ABCB5: variants seen among roughly 807,000 people sequenced by gnomAD.
The protein encoded by ABCB5 is ATP-binding cassette sub-family B member 5.
ABCB5 carries 155 observed loss-of-function variants against 144.2 expected under a neutral mutation model. That is an observed-to-expected ratio of 1.08 (90% CI 0.94 to 1.23). The LOEUF (loss-of-function observed/expected upper bound fraction) is 1.23. Ranked by LOEUF, ABCB5 falls within the 50% of genes most tolerant of loss-of-function variation. The pLI is 0.00. For synonymous variants in ABCB5, 610 were observed against 528.6 expected, an observed-to-expected ratio of 1.15 and a Z score of -2.11; for missense variants, 1,830 against 1,520.8, an observed-to-expected ratio of 1.20 and a Z score of -3.38.
chr7:20,731,868 G>A (rs1782234243), intron 23 of ABCB5, among the ~76,000 whole-genome samples: 1 of 152,092 alleles, frequency 6.6e-6, no homozygotes, highest in South Asian at 2.1e-4. Flanking sequence ...GTCTTGACTG[G>A]ACCACTGCAA....
chr7:20,708,422 C>T (rs374793273), intron 20 of ABCB5, among the ~76,000 whole-genome samples: 7 of 152,048 alleles, frequency 4.6e-5, no homozygotes, highest in South Asian at 2.1e-4. Context: ...GAGGATCGCT[C>T]GAGCCTGGGA....
rs768505836 is a variant in ABCB5 at position 20,681,515 on chromosome 7, G to A, written c.1718G>A (p.Gly573Asp). ...CATTTTATTCTGTAGGCGAGCAAAG[G>A]TCGGACTACAATCGTGGTAGCACAC... ...VQAALEKASK[G>D]RTTIVVAHRL... Residue 573 changes from glycine (G) to aspartate (D), a missense_variant, in exon 15 of 28, where the codon GGT (glycine) becomes GAT (aspartate). Coordinates refer to ENST00000404938, the MANE Select transcript of ABCB5 (RefSeq NM_001163941.2). 1.2e-6 allele frequency: 2 copies of A among 1,614,118 alleles called. No individual in the cohort carries two copies. The highest frequency in any genetic ancestry group is 2.2e-5 in the South Asian group (2 of 91,076).
chr7:20,643,129 G>C (rs866062576), intron 5 of ABCB5, 55 bp from the exon 6 acceptor site: 3 of 1,447,522 alleles, frequency 2.1e-6, no homozygotes, highest in Non-Finnish European at 2.8e-6. Flanking sequence ...TTTTATGTGT[G>C]TAACAAGATA....
At chr7:20,702,730 C>T (rs886165046) in intron 19 of ABCB5, among the ~76,000 whole-genome samples, 1 of 144,428 alleles carries the variant, frequency 6.9e-6, no homozygotes, top group Non-Finnish European at 1.5e-5. Flanking sequence ...GGCGTGATCT[C>T]GGCTCACTGC....
chr7:20,664,508 A>G (rs1341104284), intron 14 of ABCB5, among the ~76,000 whole-genome samples: 3 of 152,312 alleles, frequency 2.0e-5, no homozygotes, highest in Middle Eastern at 3.4e-3. Context: ...CATCTTGGTG[A>G]TTTTTGTAAA....
intron 20 of ABCB5, among the ~76,000 whole-genome samples, chr7:20,717,137 C>T (rs2128047893): frequency 6.6e-6 from 1 of 152,186 alleles, no homozygotes; most frequent in African/African-American, 2.4e-5. Flanking sequence ...ACTTAAGGTC[C>T]ACAGCATCTC....
At chr7:20,668,776 C>T (rs1785331079) in intron 14 of ABCB5, among the ~76,000 whole-genome samples, 1 of 137,560 alleles carries the variant, frequency 7.3e-6, no homozygotes, top group Non-Finnish European at 1.6e-5. Context: ...TGAGGGGCGC[C>T]TCTGCCCGGC....
intron 25 of ABCB5, 116 bp downstream of exon 25, chr7:20,743,190 A>G (rs1782616801): frequency 9.0e-7 from 1 of 1,109,362 alleles, no homozygotes; most frequent in Admixed American, 2.5e-5. Context: ...AGAAGTTAAA[A>G]AGAAAAAAAA....
At chr7:20,745,896 A>T (rs567947056) in intron 26 of ABCB5, among the ~76,000 whole-genome samples, 2 of 152,202 alleles carry the variant, frequency 1.3e-5, no homozygotes, top group South Asian at 4.2e-4. Context: ...CACACACCCC[A>T]TGGGGAGGGG....
intron 23 of ABCB5, among the ~76,000 whole-genome samples, chr7:20,729,774 G>C (rs1782151314): frequency 6.6e-6 from 1 of 152,188 alleles, no homozygotes; most frequent in African/African-American, 2.4e-5. Context: ...ATCCATGCAA[G>C]TATCAGCCTC....
At chr7:20,745,487 A>G (rs371166408) in intron 26 of ABCB5, 49 bp downstream of exon 26, 8 of 1,550,078 alleles carry the variant, frequency 5.2e-6, no homozygotes, top group Non-Finnish European at 5.3e-6. Flanking sequence ...AAGTAAGGCT[A>G]AGTAGCTACT....
Position 20,745,394 on chromosome 7 carries a change from G to A in ABCB5, c.3385G>A (p.Ala1129Thr), listed in dbSNP as rs146066744. Reference sequence around the variant, plus strand: ...GCCATTAGATGAGATCAAAGAAGCCGCAAATGCAGCAAATATCCATTCTTT... The same window carrying A: ...GCCATTAGATGAGATCAAAGAAGCCACAAATGCAGCAAATATCCATTCTTT... Reference protein sequence around the residue: ...VVPLDEIKEAANAANIHSFIE... With the variant: ...VVPLDEIKEATNAANIHSFIE... Residue 1129 changes from alanine (A) to threonine (T), a missense_variant, in exon 26 of 28, where the codon GCA becomes ACA. Coordinates refer to ENST00000404938, the MANE Select transcript of ABCB5 (RefSeq NM_001163941.2). The A allele has an allele frequency of 3.3e-4, 527 of 1,614,154 alleles. 4 individuals carry two copies. The South Asian group carries it at 3.3e-3, about 10-fold the overall frequency.
At chr7:20,741,253 G>A (rs973750088) in intron 24 of ABCB5, among the ~76,000 whole-genome samples, 4 of 151,464 alleles carry the variant, frequency 2.6e-5, no homozygotes, top group Non-Finnish European at 4.4e-5. Flanking sequence ...ATTAAAAATC[G>A]TAAGAATAAA....
intron 14 of ABCB5, among the ~76,000 whole-genome samples, chr7:20,662,382 T>G (rs1785030781): frequency 6.6e-6 from 1 of 152,162 alleles, no homozygotes; most frequent in African/African-American, 2.4e-5. Context: ...AATAAGGAAA[T>G]TGGTGTATTA....
Position 20,727,087 on chromosome 7 carries a change from A to C in ABCB5, c.2673A>C (p.Thr891=). The change falls in exon 22 of 28, where the codon ACA becomes ACC. Residue 891 remains threonine, a synonymous_variant. Coordinates refer to ENST00000404938, the MANE Select transcript of ABCB5 (RefSeq NM_001163941.2). ...ATATACGTACTATAGTGTCATTAAC[A>C]AGGGAAAAAGCCTTCGAGCAAATGT... The part of the protein sequence containing the change: ...LENIRTIVSL[T]REKAFEQMYE... 6.2e-7 allele frequency: 1 copy of C among 1,613,742 alleles called. No homozygotes were observed. Among genetic ancestry groups the C allele is most frequent in the Non-Finnish European group, 8.5e-7 (1 of 1,179,816 alleles).
At chr7:20,709,808 A>G (rs1278883202) in intron 20 of ABCB5, among the ~76,000 whole-genome samples, 1 of 149,774 alleles carries the variant, frequency 6.7e-6, no homozygotes, top group Non-Finnish European at 1.5e-5. Flanking sequence ...AGGCTGGGCA[A>G]GGTGGCTCAC....
In ABCB5 at chr7:20,704,788, A is replaced by T. The variant is rs775624144; in HGVS notation, c.2402A>T (p.Asp801Val). 7 of 1,613,208 alleles carry T rather than the reference A, an allele frequency of 4.3e-6. No homozygotes were observed. Among genetic ancestry groups the T allele is most frequent in the African/African-American group, 1.3e-5 (1 of 74,914 alleles). The part of the protein sequence containing the change: ...TGGLTTILAI[D>V]IAQIQGATGS... ...GGCTTGACAACAATATTAGCCATAGATATAGCACAAATTCAAGGAGTATGT... is the reference window on the plus strand; with the variant it reads ...GGCTTGACAACAATATTAGCCATAGTTATAGCACAAATTCAAGGAGTATGT... Residue 801 changes from aspartate to valine, a missense_variant, in exon 20 of 28, where the codon GAT becomes GTT. Asp to Val is a radical substitution (Grantham distance 152, BLOSUM62 -3). Coordinates refer to ENST00000404938, the MANE Select transcript of ABCB5 (RefSeq NM_001163941.2).
intron 23 of ABCB5, among the ~76,000 whole-genome samples, chr7:20,734,024 T>C (rs566889366): frequency 6.6e-5 from 10 of 152,284 alleles, no homozygotes; most frequent in Non-Finnish European, 1.2e-4. Flanking sequence ...AGAGATTCTC[T>C]AGGGATTCTC....
At chr7:20,635,235 G>A (rs1314909354) in intron 5 of ABCB5, among the ~76,000 whole-genome samples, 1 of 151,944 alleles carries the variant, frequency 6.6e-6, no homozygotes, top group African/African-American at 2.4e-5. Flanking sequence ...TTATTTCTGG[G>A]TTCTCTATTC....
Sources: allele counts gnomAD v4.1 joint callset (sites outside exome capture counted in the v4.1 genomes callset), GRCh38; gene constraint gnomAD v4.1.1; transcripts MANE v1.5; gene names NCBI Gene and HGNC (gene_info 2026-07-23, HGNC 2026-07-21).